Variants in GFPT2 observed in about 807,000 individuals in gnomAD.
GFPT2 encodes glutamine--fructose-6-phosphate transaminase 2, also known as glutamine--fructose-6-phosphate aminotransferase [isomerizing] 2.
A neutral mutation model predicts 85.6 loss-of-function variants in GFPT2; 62 were observed. The ratio of observed to expected loss-of-function variants is 0.72; its 90% CI spans 0.59 to 0.90. The LOEUF (loss-of-function observed/expected upper bound fraction) is 0.90, where lower values mean the gene tolerates loss of function less well. Ranked by LOEUF, GFPT2 falls within the 40% of genes least tolerant of loss-of-function variation. The pLI is 0.00. For missense variants in GFPT2, 788 were observed against 893.4 expected, an observed-to-expected ratio of 0.88 and a Z score of 1.50; for synonymous variants, 368 against 344.5, an observed-to-expected ratio of 1.07 and a Z score of -0.75.
intron 7 of GFPT2, among the ~76,000 whole-genome samples, chr5:180,325,968 T>C (rs1370115005): frequency 1.3e-5 from 2 of 152,146 alleles, no homozygotes; most frequent in Non-Finnish European, 2.9e-5. Flanking sequence ...GAGGTTGCAA[T>C]GAGCCGAGAT....
At position 180,346,770 on chromosome 5, in the gene GFPT2, G is replaced by A. The variant is rs145946144; in HGVS notation, c.7+6441C>T. ...TCTGAACCCCTTTTTCCAACTTTCC[G>A]TCCCCTTTTCAAGGCATCTGTCACT... is the stretch of plus-strand genomic sequence containing the variant. On this transcript the variant is annotated intron_variant, in intron 1 of 18. Coordinates refer to ENST00000253778, the MANE Select transcript of GFPT2 (RefSeq NM_005110.4). Among the ~76,000 whole-genome samples, 80 of 152,152 alleles carry A rather than the reference G, an allele frequency of 5.3e-4. 1 individual carries two copies. The highest frequency in any genetic ancestry group is 2.2e-3 in the Admixed American group (34 of 15,292).
intron 17 of GFPT2, 52 bp from the exon 18 acceptor site, chr5:180,302,636 C>G: frequency 2.1e-6 from 3 of 1,409,824 alleles, no homozygotes; most frequent in Non-Finnish European, 3.0e-6. Context: ...AAGAAGCTAT[C>G]CCTGATGCAT....
At chr5:180,348,953 G>T (rs1233733168) in intron 1 of GFPT2, among the ~76,000 whole-genome samples, 1 of 151,198 alleles carries the variant, frequency 6.6e-6, no homozygotes, top group Non-Finnish European at 1.5e-5. Context: ...TGTTGGCCAG[G>T]ATGGTCTCGA....
At chr5:180,343,817 T>C (rs749075925) in intron 1 of GFPT2, among the ~76,000 whole-genome samples, 3 of 152,178 alleles carry the variant, frequency 2.0e-5, no homozygotes, top group Non-Finnish European at 4.4e-5. Context: ...ACCCATGAGG[T>C]CGGTAAAGAT....
At chr5:180,307,449 G>C in intron 15 of GFPT2, 146 bp from the exon 16 acceptor site, 1 of 756,130 alleles carries the variant, frequency 1.3e-6, no homozygotes, top group Non-Finnish European at 2.2e-6. Flanking sequence ...TTCAAACGTA[G>C]ATTACAGGAA....
At chr5:180,317,713 C>T (rs1489356861) in intron 10 of GFPT2, among the ~76,000 whole-genome samples, 1 of 115,866 alleles carries the variant, frequency 8.6e-6, no homozygotes, top group South Asian at 3.1e-4. Flanking sequence ...GAGCCGAGAT[C>T]GCGCCACAGC....
At chr5:180,342,783 T>C (rs1727628222) in intron 1 of GFPT2, among the ~76,000 whole-genome samples, 1 of 151,486 alleles carries the variant, frequency 6.6e-6, no homozygotes, top group Non-Finnish European at 1.5e-5. Context: ...GTGCCTGTAA[T>C]CCCAGCTACT....
chr5:180,304,814 G>A lies in GFPT2; in HGVS notation c.1800C>T (p.Phe600=), dbSNP rs370090411. 28 of 1,613,890 alleles carry A rather than the reference G, an allele frequency of 1.7e-5. No homozygotes were observed. The highest frequency in any genetic ancestry group is 2.2e-5 in the East Asian group (1 of 44,896). The part of the protein sequence containing the change: ...VIMVIMKDPC[F]AKCQNALQQV... Reference sequence around the variant, plus strand: ...GCTGCAGGGCGTTCTGGCATTTGGCGAAGCAAGGATCCTTCATAATGACCA... The same window carrying A: ...GCTGCAGGGCGTTCTGGCATTTGGCAAAGCAAGGATCCTTCATAATGACCA... The change falls in exon 17 of 19, where the codon TTC becomes TTT. Residue 600 remains phenylalanine, a synonymous_variant. Transcript: ENST00000253778.
chr5:180,345,482 A>G lies in GFPT2; in HGVS notation c.8-6882T>C, dbSNP rs1764588341. Among the ~76,000 whole-genome samples the G allele has an allele frequency of 2.0e-5, 3 of 152,258 alleles. No homozygotes were observed. In the South Asian group the frequency reaches 6.2e-4, roughly 32 times the overall value. On this transcript the variant is annotated intron_variant, in intron 1 of 18. Coordinates refer to ENST00000253778, the MANE Select transcript of GFPT2 (RefSeq NM_005110.4). ...GGGGTGGGAGTAGGCAGCTCTTTGC[A>G]AGGCTGGCTCTTGCTAGCTCTTCGC...
chr5:180,313,699 G>A, intron 14 of GFPT2, 108 bp downstream of exon 14: 1 of 870,628 alleles, frequency 1.1e-6, no homozygotes, highest in Non-Finnish European at 1.7e-6. Context: ...AGGCGGGAAG[G>A]GGAAAGAAAG....
At chr5:180,335,728 G>A (rs1254216833) in intron 4 of GFPT2, 100 bp downstream of exon 4, 2 of 1,216,152 alleles carry the variant, frequency 1.6e-6, no homozygotes, top group African/African-American at 1.6e-5. Context: ...AGGCTGAGAA[G>A]TCAGTTAGAG....
At chr5:180,332,431 C>T (rs1438812732) in intron 4 of GFPT2, among the ~76,000 whole-genome samples, 1 of 152,212 alleles carries the variant, frequency 6.6e-6, no homozygotes, top group Admixed American at 6.5e-5. Flanking sequence ...TCCCTATTAC[C>T]CTTGAGGTTC....
chr5:180,319,078 C>A, intron 9 of GFPT2, 122 bp from the exon 10 acceptor site: 3 of 775,880 alleles, frequency 3.9e-6, no homozygotes, highest in Non-Finnish European at 6.3e-6. Flanking sequence ...ACAGAGAGAC[C>A]ACACTAAAAA....
rs1016723001 is a variant in GFPT2, at chr5:180,307,242, G to A, written c.1608C>T (p.Tyr536=). The change falls in exon 16 of 19, where the codon TAC becomes TAT. Residue 536 remains tyrosine, a synonymous_variant. Transcript: ENST00000253778. ...CCATCACCAGCAGCGATCTCTGCGT[G>A]TAGAGCTCCAGGGCCAAGTCGTGGA... ...EKIHDLALEL[Y]TQRSLLVMGR... The A allele has an allele frequency of 2.5e-6, 4 of 1,613,406 alleles. No individual in the cohort carries two copies. The highest frequency in any genetic ancestry group is 3.4e-6 in the Non-Finnish European group (4 of 1,179,548).
intron 1 of GFPT2, among the ~76,000 whole-genome samples, chr5:180,347,993 C>T (rs1340403660): frequency 6.6e-6 from 1 of 152,172 alleles, no homozygotes; most frequent in African/African-American, 2.4e-5. Flanking sequence ...GTGAGGGGAC[C>T]GTTCCAGGGA....
Position 180,328,744 on chromosome 5 carries a change from G to A in GFPT2, c.535-406C>T, listed in dbSNP as rs115454800. On this transcript the variant is annotated intron_variant, in intron 6 of 18. Coordinates refer to ENST00000253778, the MANE Select transcript of GFPT2 (RefSeq NM_005110.4). The surrounding 1 kb of genome is among the most constrained non-coding windows in gnomAD (Gnocchi z 5.4). ...TTTAGCTCAACACACGGTAGGGCCT[G>A]GGTTCAAATCCTGGCTCCACCCCTG... 0.014 allele frequency among the ~76,000 whole-genome samples: 2,199 copies of A among 152,276 alleles called. 55 individuals are homozygous for A. The highest frequency in any genetic ancestry group is 0.05 in the African/African-American group (2,084 of 41,558).
At chr5:180,305,670 CAG>C (rs1288561790) in intron 16 of GFPT2, among the ~76,000 whole-genome samples, 1 of 152,224 alleles carries the variant, frequency 6.6e-6, no homozygotes, top group East Asian at 1.9e-4. Flanking sequence ...CTTCCTTCAG[CAG>C]ACTCATGCGG....
chr5:180,345,986 G>A (rs968625246), intron 1 of GFPT2, among the ~76,000 whole-genome samples: 22 of 149,902 alleles, frequency 1.5e-4, no homozygotes, highest in African/African-American at 5.4e-4. Flanking sequence ...CAACACCCCC[G>A]GCCCCATGCA....
intron 1 of GFPT2, among the ~76,000 whole-genome samples, chr5:180,343,984 G>A (rs996459669): frequency 2.0e-5 from 3 of 152,254 alleles, no homozygotes; most frequent in African/African-American, 4.8e-5. Flanking sequence ...ATGTGCACAC[G>A]TGCGAGGACA....
Sources: allele counts gnomAD v4.1 joint callset (sites outside exome capture counted in the v4.1 genomes callset), GRCh38; gene constraint gnomAD v4.1.1; non-coding constraint Gnocchi (gnomAD v3.1); transcripts MANE v1.5; gene names NCBI Gene and HGNC (gene_info 2026-07-23, HGNC 2026-07-21).